NFU1: variants seen among roughly 807,000 people sequenced by gnomAD.
NFU1 encodes the protein NFU1 iron-sulfur cluster scaffold.
A neutral mutation model predicts 32.2 loss-of-function variants in NFU1; 30 were observed. That is an observed-to-expected ratio of 0.93 (90% CI 0.70 to 1.26). NFU1 has a LOEUF of 1.26. Ranked by LOEUF, NFU1 falls within the 50% of genes most tolerant of loss-of-function variation. NFU1 has a pLI of 0.00. For missense variants in NFU1, 306 were observed against 306.6 expected (o/e 1.00, Z 0.02); for synonymous variants, 112 against 104.6 (o/e 1.07, Z -0.43).
intron 7 of NFU1, 136 bp downstream of exon 7, chr2:69,400,228 A>T: frequency 1.2e-6 from 1 of 811,574 alleles, no homozygotes. Flanking sequence ...CAACACAAAA[A>T]TCCAGCCCTT....
At chr2:69,421,192 A>G (rs13421152) in intron 3 of NFU1, among the ~76,000 whole-genome samples, 101,084 of 151,754 alleles carry the variant, frequency 0.67, 34,881 homozygotes, top group African/African-American at 0.86. Context: ...CAGCCTGGGC[A>G]ACAAAAGTGA....
chr2:69,434,323 T>C (rs568524884), intron 1 of NFU1, among the ~76,000 whole-genome samples: 3 of 151,622 alleles, frequency 2.0e-5, no homozygotes, highest in South Asian at 2.1e-4. Context: ...TTTGTATTTT[T>C]AGTAGAGACA....
At chr2:69,434,947 C>T (rs1474928720) in intron 1 of NFU1, among the ~76,000 whole-genome samples, 2 of 152,130 alleles carry the variant, frequency 1.3e-5, no homozygotes, top group African/African-American at 4.8e-5. Flanking sequence ...GTGCTCAGCC[C>T]GTTTGTGGGC....
chr2:69,408,175 GTTTACA>G (rs1672761509), intron 5 of NFU1, among the ~76,000 whole-genome samples: 5 of 152,014 alleles, frequency 3.3e-5, no homozygotes, highest in Non-Finnish European at 4.4e-5. Flanking sequence ...CCCAGCACGT[GTTTACA>G]TTTACATGTA....
rs111480507 is a variant in NFU1, at chr2:69,399,362, A to ACAAGGTGC, written c.720+994_720+1001dup. The ACAAGGTGC allele has an allele frequency of 3.8e-4, 174 of 456,266 alleles. 3 individuals are homozygous for ACAAGGTGC. Among genetic ancestry groups the ACAAGGTGC allele is most frequent in the African/African-American group, 3.1e-3 (154 of 50,136 alleles). The allele number at this position is 456,266 out of a possible 1,614,324, so 28.3% of individuals were successfully genotyped here. Reference sequence around the variant, plus strand: ...GCAGTGAGACTCATTATTACTGATGACAAGGTGCTGTGTTATACTCCTTAG... The same window carrying ACAAGGTGC: ...GCAGTGAGACTCATTATTACTGATGACAAGGTGCCAAGGTGCTGTGTTATACTCCTTAG... On this transcript the variant is annotated intron_variant, in intron 7 of 7. Transcript: ENST00000410022.
At chr2:69,437,713 T>A (rs1180268174), upstream of NFU1, 1 of 545,188 alleles carries the variant, frequency 1.8e-6, no homozygotes, top group Non-Finnish European at 3.3e-6. Context: ...GGCTAGGTTT[T>A]TAGCTGGTGC....
intron 7 of NFU1, among the ~76,000 whole-genome samples, chr2:69,397,864 A>C (rs964031055): frequency 2.6e-5 from 4 of 151,254 alleles, no homozygotes; most frequent in Non-Finnish European, 5.9e-5. Context: ...CAGTGAGCCA[A>C]GATCAAGCCA....
intron 3 of NFU1, among the ~76,000 whole-genome samples, chr2:69,420,823 C>T (rs1673211872): frequency 6.6e-6 from 1 of 152,202 alleles, no homozygotes; most frequent in Admixed American, 6.6e-5. Context: ...AATCTATTAT[C>T]TATTGTAAGG....
chr2:69,410,932 T>G (rs970854358), intron 5 of NFU1: 5 of 152,150 alleles, frequency 3.3e-5, no homozygotes, highest in Non-Finnish European at 5.9e-5. Context: ...GTGAGCAGAC[T>G]ACCAGAAAGT....
intron 3 of NFU1, among the ~76,000 whole-genome samples, chr2:69,422,701 A>G (rs1673285720): frequency 6.6e-6 from 1 of 151,972 alleles, no homozygotes; most frequent in Non-Finnish European, 1.5e-5. Context: ...TTTTAATATC[A>G]ACTCTCATTT....
At position 69,432,560 on chromosome 2, in the gene NFU1, G is replaced by A. The variant is rs552772278; in HGVS notation, c.63-555C>T. On this transcript the variant is annotated intron_variant, in intron 1 of 7. Coordinates refer to ENST00000410022, the MANE Select transcript of NFU1 (RefSeq NM_001002755.4). The stretch of plus-strand genomic sequence containing the variant: ...TTGCACTCCAGCCTGGGCAACAAGA[G>A]TGAAACTCTACCTCAAAAAAAAAAA... 3.3e-5 allele frequency among the ~76,000 whole-genome samples: 5 copies of A among 151,480 alleles called. No individual in the cohort carries two copies. In the East Asian group the frequency reaches 9.7e-4, roughly 30 times the overall value.
intron 7 of NFU1, among the ~76,000 whole-genome samples, chr2:69,399,081 G>C (rs562285442): frequency 2.0e-5 from 3 of 151,854 alleles, no homozygotes; most frequent in African/African-American, 7.3e-5. Flanking sequence ...GGTGGCATGT[G>C]CCTGTAATCC....
chr2:69,415,220 G>GGTTACTGATGCAGTA lies in NFU1; in HGVS notation c.448_449insTACTGCATCAGTAAC (p.Leu149_Pro150insLeuLeuHisGlnTer), dbSNP rs766567121. 2 of 1,611,754 alleles carry GGTTACTGATGCAGTA rather than the reference G, an allele frequency of 1.2e-6. No individual in the cohort carries two copies. Among genetic ancestry groups the GGTTACTGATGCAGTA allele is most frequent in the Middle Eastern group, 1.7e-4 (1 of 6,044 alleles). On this transcript the variant is annotated stop_gained, in exon 5 of 8. Coordinates refer to ENST00000410022, the MANE Select transcript of NFU1 (RefSeq NM_001002755.4). LOFTEE classifies it high-confidence loss of function. ...TGAAGGTGTTTCCTCAGTAACCAGG[G>GGTTACTGATGCAGTA]GTAAGCCAGATGCAAAGAAGTCCAT...
chr2:69,424,200 T>TAA (rs1558840213), intron 2 of NFU1, among the ~76,000 whole-genome samples: 1 of 66,226 alleles, frequency 1.5e-5, no homozygotes, highest in Non-Finnish European at 3.2e-5. Context: ...AAAAAAAAAA[T>TAA]ATATATATAT....
In NFU1 at chr2:69,396,259, G is replaced by A. The variant is rs557124306; in HGVS notation, c.752C>T (p.Ala251Val). 25 of 1,611,116 alleles carry A rather than the reference G, an allele frequency of 1.6e-5. 1 individual carries two copies. In the South Asian group the frequency reaches 2.6e-4, roughly 17 times the overall value. ...VMDDESDEKE[A>V]NSP The stretch of plus-strand genomic sequence containing the variant: ...ATCCAGATTATTTTAAGGTGAGTTT[G>A]CTTCTTTTTCATCTGATTCATCATC... The change falls in exon 8 of 8, where the codon GCA becomes GTA. Residue 251 changes from alanine to valine, a missense_variant. Transcript: ENST00000410022.
chr2:69,428,115 A>G lies in NFU1; in HGVS notation c.166+3787T>C, dbSNP rs1337556031. On this transcript the variant is annotated intron_variant, in intron 2 of 7. Transcript: ENST00000410022. ...TATTTAAATAGACTGACAATACTATATAACAATTAAAATTTATTCAGTGCC... is the reference window on the plus strand; with the variant it reads ...TATTTAAATAGACTGACAATACTATGTAACAATTAAAATTTATTCAGTGCC... 6.6e-5 allele frequency among the ~76,000 whole-genome samples: 10 copies of G among 152,240 alleles called. No homozygotes were observed. The East Asian group carries it at 1.9e-3, about 29-fold the overall frequency.
intron 2 of NFU1, among the ~76,000 whole-genome samples, chr2:69,431,062 C>A (rs1480229924): frequency 6.6e-6 from 1 of 152,032 alleles, no homozygotes; most frequent in Non-Finnish European, 1.5e-5. Flanking sequence ...ATCTATTTCC[C>A]AAATTAAAGA....
chr2:69,438,238 T>C (rs1353216071), upstream of NFU1, among the ~76,000 whole-genome samples: 2 of 150,972 alleles, frequency 1.3e-5, no homozygotes, highest in Non-Finnish European at 3.0e-5. Context: ...CTAGAAATCT[T>C]TGTTACTTGC....
intron 5 of NFU1, among the ~76,000 whole-genome samples, chr2:69,414,661 A>G (rs1292181206): frequency 1.3e-5 from 2 of 151,776 alleles, no homozygotes; most frequent in Non-Finnish European, 2.9e-5. Flanking sequence ...TAAAACTTAA[A>G]AACAAAAACT....
Sources: allele counts gnomAD v4.1 joint callset (sites outside exome capture counted in the v4.1 genomes callset), GRCh38; gene constraint gnomAD v4.1.1; transcripts MANE v1.5; gene names NCBI Gene and HGNC (gene_info 2026-07-23, HGNC 2026-07-21).